Variants in RAP1B observed in about 807,000 individuals in gnomAD.
The protein encoded by RAP1B is ras-related protein Rap-1b.
In RAP1B, 1 loss-of-function variant was observed where a neutral mutation model predicts 27.5. The observed-to-expected ratio is 0.04, with a 90% CI of 0.01 to 0.17. RAP1B has a LOEUF of 0.17. Ranked by LOEUF, RAP1B falls within the 10% of genes least tolerant of loss-of-function variation. RAP1B has a pLI of 1.00. For missense variants in RAP1B, 84 were observed against 214.8 expected (o/e 0.39, Z 3.81); for synonymous variants, 75 against 73.1 (o/e 1.03, Z -0.13).
At chr12:68,630,917 A>T (rs1872189442) in intron 1 of RAP1B, among the ~76,000 whole-genome samples, 1 of 151,190 alleles carries the variant, frequency 6.6e-6, no homozygotes, top group Non-Finnish European at 1.5e-5. Context: ...CAACCACCGC[A>T]TCCAGCCTGA....
At chr12:68,633,139 T>C (rs1196383110) in intron 1 of RAP1B, among the ~76,000 whole-genome samples, 1 of 152,196 alleles carries the variant, frequency 6.6e-6, no homozygotes, top group Non-Finnish European at 1.5e-5. Flanking sequence ...TCAGAGTTCA[T>C]TGGGTGACAT....
chr12:68,612,734 T>C (rs117165587), intron 1 of RAP1B, among the ~76,000 whole-genome samples: 2,778 of 152,344 alleles, frequency 0.018, 34 homozygotes, highest in Non-Finnish European at 0.03. Context: ...TAAATAACTT[T>C]AAGCACACAG....
At position 68,665,920 on chromosome 12, in the gene RAP1B, C is replaced by T. The variant is rs141925135; in HGVS notation, c.*6671C>T. On this transcript the variant is annotated 3_prime_UTR_variant, in exon 8 of 8. Coordinates refer to ENST00000250559, the MANE Select transcript of RAP1B (RefSeq NM_001010942.3). Reference sequence around the variant, plus strand: ...CCAGGCTGGTGTGCAGTGGCGCGATCTCGGCTCACTGCAACCTCCGCCTCC... The same window carrying T: ...CCAGGCTGGTGTGCAGTGGCGCGATTTCGGCTCACTGCAACCTCCGCCTCC... 602 of 151,192 alleles carry T rather than the reference C, an allele frequency of 4.0e-3. 3 individuals are homozygous for T. Among genetic ancestry groups the T allele is most frequent in the African/African-American group, 0.014 (560 of 41,076 alleles). 9.4% of individuals were successfully genotyped at this position (151,192 alleles called of 1,614,324 possible).
intron 3 of RAP1B, chr12:68,651,727 G>C: frequency 7.8e-6 from 3 of 386,642 alleles, no homozygotes; most frequent in Non-Finnish European, 9.5e-6. Context: ...ATTAAGTGCT[G>C]AGAATCCATA....
intron 5 of RAP1B, among the ~76,000 whole-genome samples, chr12:68,655,135 AC>A (rs1428067811): frequency 1.5e-4 from 23 of 151,046 alleles, no homozygotes; most frequent in South Asian, 8.4e-4. Flanking sequence ...ACATAGCAAA[AC>A]CCTGCCTTTA....
chr12:68,653,310 C>T (rs929326490), intron 4 of RAP1B, among the ~76,000 whole-genome samples: 1 of 152,208 alleles, frequency 6.6e-6, no homozygotes, highest in Middle Eastern at 3.4e-3. Flanking sequence ...GATTTGTTCT[C>T]GGTGTATGGT....
intron 5 of RAP1B, among the ~76,000 whole-genome samples, chr12:68,655,926 TCCC>T (rs1284602480): frequency 6.6e-6 from 1 of 152,166 alleles, no homozygotes; most frequent in Non-Finnish European, 1.5e-5. Flanking sequence ...TAAGGTTTTT[TCCC>T]CCCATCTCTC....
At chr12:68,647,592 T>TC (rs1159469115) in intron 1 of RAP1B, among the ~76,000 whole-genome samples, 1 of 151,168 alleles carries the variant, frequency 6.6e-6, no homozygotes, top group Non-Finnish European at 1.5e-5. Flanking sequence ...TTTTTTAATT[T>TC]CCCCAACCTT....
At chr12:68,616,242 G>A (rs569400678) in intron 1 of RAP1B, among the ~76,000 whole-genome samples, 144 of 151,104 alleles carry the variant, frequency 9.5e-4, no homozygotes, top group Admixed American at 1.6e-3. Flanking sequence ...GATTACAGGC[G>A]TGAGCCACTG....
intron 1 of RAP1B, among the ~76,000 whole-genome samples, chr12:68,635,406 T>C (rs1429330505): frequency 6.6e-6 from 1 of 152,188 alleles, no homozygotes; most frequent in African/African-American, 2.4e-5. Flanking sequence ...GTATCTTCTC[T>C]TCCAGAAAGT....
At chr12:68,653,112 G>A (rs1039422233) in intron 4 of RAP1B, among the ~76,000 whole-genome samples, 27 of 152,316 alleles carry the variant, frequency 1.8e-4, no homozygotes, top group African/African-American at 6.3e-4. Context: ...GGGAGGCTGA[G>A]GCAGGAGAAT....
intron 1 of RAP1B, among the ~76,000 whole-genome samples, chr12:68,634,090 C>T (rs1466847509): frequency 1.3e-5 from 2 of 152,206 alleles, no homozygotes; most frequent in East Asian, 1.9e-4. Flanking sequence ...GAATCCATGA[C>T]AACTCCCAGG....
chr12:68,620,742 G>A (rs1276936064), intron 1 of RAP1B, among the ~76,000 whole-genome samples: 1 of 151,816 alleles, frequency 6.6e-6, no homozygotes, highest in African/African-American at 2.4e-5. Flanking sequence ...GACTACAGGC[G>A]CATGCCACCA....
At chr12:68,652,945 A>G (rs915024566) in intron 4 of RAP1B, among the ~76,000 whole-genome samples, 51 of 152,022 alleles carry the variant, frequency 3.4e-4, no homozygotes, top group African/African-American at 1.1e-3. Flanking sequence ...ATGATGGCTC[A>G]TGCCTTGTAA....
intron 1 of RAP1B, among the ~76,000 whole-genome samples, chr12:68,645,695 G>T (rs1873354003): frequency 6.6e-6 from 1 of 152,222 alleles, no homozygotes; most frequent in Admixed American, 6.5e-5. Context: ...CCTAAAAACA[G>T]GATAATGGCT....
chr12:68,631,415 G>C (rs140909870), intron 1 of RAP1B, among the ~76,000 whole-genome samples: 33 of 152,088 alleles, frequency 2.2e-4, no homozygotes, highest in Non-Finnish European at 4.3e-4. Context: ...AACTTCTTTC[G>C]TTAATTTAAA....
chr12:68,656,369 C>G lies in RAP1B; in HGVS notation c.388C>G (p.Gln130Glu). The G allele has an allele frequency of 6.2e-7, 1 of 1,608,400 alleles. No individual in the cohort carries two copies. The highest frequency in any genetic ancestry group is 8.5e-7 in the Non-Finnish European group (1 of 1,175,072). ...AGATGAAAGAGTTGTAGGGAAGGAA[C>G]AAGGTCAAAATCTAGCAAGACAATG... Reference protein sequence around the residue: ...LEDERVVGKEQGQNLARQWNN... With the variant: ...LEDERVVGKEEGQNLARQWNN... The change falls in exon 6 of 8, where the codon CAA (glutamine) becomes GAA (glutamate). Residue 130 changes from glutamine (Q) to glutamate (E), a missense_variant. Coordinates refer to ENST00000250559, the MANE Select transcript of RAP1B (RefSeq NM_001010942.3).
intron 6 of RAP1B, 37 bp from the exon 7 acceptor site, chr12:68,657,064 T>G (rs747249960): frequency 3.3e-6 from 5 of 1,529,316 alleles, no homozygotes; most frequent in Non-Finnish European, 4.5e-6. Flanking sequence ...GGATAGGTGT[T>G]CCTCCTGTAA....
chr12:68,650,491 T>C, intron 3 of RAP1B, 23 bp downstream of exon 3: 2 of 1,447,418 alleles, frequency 1.4e-6, no homozygotes, highest in Non-Finnish European at 1.8e-6. Context: ...TTGGAAGGCC[T>C]TTTGCTTTTG....
Sources: gnomAD v4.1 joint callset for allele counts (sites outside exome capture counted in the v4.1 genomes callset) on GRCh38, gnomAD v4.1.1 for gene constraint, MANE v1.5 for transcripts, NCBI Gene and HGNC (gene_info 2026-07-23, HGNC 2026-07-21) for gene names.